The following LETMD1 variants were observed in gnomAD, a reference collection of about 807,000 sequenced individuals.
The protein encoded by LETMD1 is LETM1 domain-containing protein 1.
LETMD1 carries 30 observed loss-of-function variants against 43.9 expected under a neutral mutation model. The ratio of observed to expected loss-of-function variants is 0.68; its 90% CI spans 0.51 to 0.93. The LOEUF (loss-of-function observed/expected upper bound fraction) is 0.93, where lower values mean the gene tolerates loss of function less well. Among genes scored for constraint, LETMD1 ranks in the 40% least tolerant of loss-of-function variants. LETMD1 has a pLI of 0.00. For synonymous variants in LETMD1, 176 were observed against 163.1 expected (o/e 1.08, Z -0.60); for missense variants, 413 against 447.7 (o/e 0.92, Z 0.70).
In LETMD1 at chr12:51,055,862, C is replaced by A. The variant is rs1472593873; in HGVS notation, c.501C>A (p.Ile167=). 6.2e-7 allele frequency: 1 copy of A among 1,612,056 alleles called. No individual in the cohort carries two copies. Among genetic ancestry groups the A allele is most frequent in the South Asian group, 1.1e-5 (1 of 90,762 alleles). ...LMYLFPRQLL[I]RHFWTPKQQT... Reference sequence around the variant, plus strand: ...ACCTGTTTCCCAGGCAACTACTGATCAGGCATTTCTGGACCCCAAAACAAC... The same window carrying A: ...ACCTGTTTCCCAGGCAACTACTGATAAGGCATTTCTGGACCCCAAAACAAC... The change falls in exon 5 of 9, where the codon ATC becomes ATA. Residue 167 remains isoleucine, a synonymous_variant. Transcript: ENST00000262055.
At chr12:51,050,094 C>T (rs1008382326) in intron 2 of LETMD1, among the ~76,000 whole-genome samples, 3 of 152,128 alleles carry the variant, frequency 2.0e-5, no homozygotes, top group Non-Finnish European at 2.9e-5. Flanking sequence ...TTACTAGCTT[C>T]ATGGACTTGA....
chr12:51,057,228 T>C (rs569879233), intron 7 of LETMD1, among the ~76,000 whole-genome samples: 1 of 152,090 alleles, frequency 6.6e-6, no homozygotes, highest in South Asian at 2.1e-4. Context: ...AGAGTGAGAC[T>C]CTGTCTCAAA....
intron 5 of LETMD1, 50 bp from the exon 6 acceptor site, chr12:51,056,094 G>C: frequency 6.2e-7 from 1 of 1,608,236 alleles, no homozygotes; most frequent in Non-Finnish European, 8.5e-7. Flanking sequence ...CTAGGTAAGA[G>C]GAGTAGTCAG....
downstream of LETMD1, among the ~76,000 whole-genome samples, chr12:51,060,758 C>T (rs181479738): frequency 2.2e-3 from 335 of 152,112 alleles, no homozygotes; most frequent in African/African-American, 7.6e-3. Context: ...AAAAATTAGC[C>T]AGGCGTGGTG....
chr12:51,063,975 G>C, downstream of LETMD1: 2 of 1,613,726 alleles, frequency 1.2e-6, no homozygotes, highest in Non-Finnish European at 1.7e-6. Context: ...ACAGAGGGCA[G>C]CTGGGTCTGT....
chr12:51,053,112 CA>C (rs35117894), intron 3 of LETMD1, among the ~76,000 whole-genome samples: 66,564 of 142,742 alleles, frequency 0.47, 16,101 homozygotes, highest in Non-Finnish European at 0.58. Flanking sequence ...AACTCTGTCT[CA>C]AAAAAAAAAA....
intron 2 of LETMD1, among the ~76,000 whole-genome samples, chr12:51,050,262 G>A (rs989694438): frequency 2.3e-4 from 34 of 147,108 alleles, no homozygotes; most frequent in African/African-American, 7.0e-4. Flanking sequence ...TCACCGTGTC[G>A]CCCAGGCTGG....
chr12:51,051,426 G>T (rs751330298), intron 2 of LETMD1, among the ~76,000 whole-genome samples: 9 of 150,590 alleles, frequency 6.0e-5, no homozygotes, highest in Admixed American at 1.3e-4. Context: ...AAGTGTTCCA[G>T]GCCGGGCGCA....
At chr12:51,061,854 C>A (rs913142833), downstream of LETMD1, 2 of 152,148 alleles carry the variant, frequency 1.3e-5, no homozygotes, top group Non-Finnish European at 2.9e-5. Context: ...GAAAAAGATT[C>A]TTTTCTCCAT....
intron 1 of LETMD1, 49 bp downstream of exon 1, chr12:51,048,527 A>G (rs966817533): frequency 1.9e-6 from 3 of 1,603,660 alleles, no homozygotes; most frequent in Non-Finnish European, 2.5e-6. Flanking sequence ...AGGCTCTTTC[A>G]GTGTCTCAAC....
the LETMD1 span, among the ~76,000 whole-genome samples, chr12:51,066,447 C>T: frequency 7.0e-6 from 1 of 142,826 alleles, no homozygotes; most frequent in Non-Finnish European, 1.6e-5. Flanking sequence ...GAGCAAGACT[C>T]CGTCTCAAAA....
chr12:51,048,955 C>T, intron 1 of LETMD1, 79 bp from the exon 2 acceptor site: 1 of 1,347,232 alleles, frequency 7.4e-7, no homozygotes, highest in Non-Finnish European at 1.0e-6. Flanking sequence ...TCCGAGACTC[C>T]TGCTTTACAT....
intron 7 of LETMD1, 76 bp downstream of exon 7, chr12:51,056,578 G>T: frequency 7.1e-7 from 1 of 1,416,474 alleles, no homozygotes. Flanking sequence ...AGGTTTACAG[G>T]GGCTCCTTGT....
In LETMD1 at chr12:51,056,418, G is replaced by T. The variant is rs149484297; in HGVS notation, c.831G>T (p.Lys277Asn). 6.2e-7 allele frequency: 1 copy of T among 1,614,192 alleles called. No homozygotes were observed. Among genetic ancestry groups the T allele is most frequent in the Non-Finnish European group, 8.5e-7 (1 of 1,180,046 alleles). Residue 277 changes from lysine (K) to asparagine (N), a missense_variant, in exon 7 of 9, where the codon AAG (lysine) becomes AAT (asparagine). Lys to Asn is a moderately conservative substitution (Grantham distance 94). Transcript: ENST00000262055. ...LPPPLLRHRL[K>N]THTTVIHQLD... The stretch of plus-strand genomic sequence containing the variant: ...CTCCCTTGTTGAGACATCGTTTGAA[G>T]ACTCATACAACTGTGATTCACCAAC...
the LETMD1 span, among the ~76,000 whole-genome samples, chr12:51,068,738 A>C: frequency 6.6e-6 from 1 of 152,214 alleles, no homozygotes; most frequent in Non-Finnish European, 1.5e-5. Context: ...GAAAAATGTG[A>C]AACACCCTTC....
chr12:51,056,229 T>A lies in LETMD1; in HGVS notation c.746T>A (p.Leu249His), dbSNP rs1947683249. Residue 249 changes from leucine (L) to histidine (H), a missense_variant, in exon 6 of 9, where the codon CTC becomes CAC. Leu to His is a moderately conservative substitution (Grantham distance 99). Coordinates refer to ENST00000262055, the MANE Select transcript of LETMD1 (RefSeq NM_015416.5). ...FSNHPLGMNQLQALHVKALSR... is the reference protein window; with the variant it reads ...FSNHPLGMNQHQALHVKALSR... ...AACCATCCTCTGGGCATGAACCAAC[T>A]CCAGGCTTTGCACGTGGTGAGCACT... is the stretch of plus-strand genomic sequence containing the variant. 1 of 1,614,112 alleles carries A rather than the reference T, an allele frequency of 6.2e-7. No homozygotes were observed. Among genetic ancestry groups the A allele is most frequent in the Non-Finnish European group, 8.5e-7 (1 of 1,180,034 alleles).
In LETMD1 at chr12:51,048,477, C is replaced by A; in HGVS notation, c.121C>A (p.Arg41=). 6.2e-7 allele frequency: 1 copy of A among 1,613,224 alleles called. No homozygotes were observed. Among genetic ancestry groups the A allele is most frequent in the Non-Finnish European group, 8.5e-7 (1 of 1,180,020 alleles). ...CTCTGGCCTGGCTTGGGGGGCCCCT[C>A]GGTGAGGGACCTGTAGCGAGAAAAG... ...GRSGLAWGAP[R]SSKLHLSPKA... The change falls in exon 1 of 9, where the codon CGG becomes AGG. Residue 41 remains arginine, a splice_region_variant and synonymous_variant. Transcript: ENST00000262055.
Position 51,059,770 on chromosome 12 carries a change from G to C in LETMD1, c.*339G>C, listed in dbSNP as rs1389572631. 3.4e-6 allele frequency: 1 copy of C among 295,758 alleles called. No homozygotes were observed. Among genetic ancestry groups the C allele is most frequent in the Non-Finnish European group, 6.6e-6 (1 of 151,312 alleles). 18.3% of individuals were successfully genotyped at this position (295,758 alleles called of 1,614,324 possible). A position where few individuals can be genotyped will look rare whatever the true frequency, so the allele number is the denominator to read the frequency against. On this transcript the variant is annotated 3_prime_UTR_variant, in exon 9 of 9. Transcript: ENST00000262055. ...CCTAGGAAGTCAGCTTTTGCCCCAG[G>C]TGGGAATCCTTATTTGGCTTAGGAC...
chr12:51,055,492 C>T (rs960647675), intron 4 of LETMD1, among the ~76,000 whole-genome samples: 1 of 151,426 alleles, frequency 6.6e-6, no homozygotes, highest in Non-Finnish European at 1.5e-5. Flanking sequence ...TAGCAAGACC[C>T]GTCTCTGCAA....
Sources: gnomAD v4.1 joint callset for allele counts (sites outside exome capture counted in the v4.1 genomes callset) on GRCh38, gnomAD v4.1.1 for gene constraint, MANE v1.5 for transcripts, NCBI Gene and HGNC (gene_info 2026-07-23, HGNC 2026-07-21) for gene names.